The following CEP43 variants were observed in gnomAD, a reference collection of about 807,000 sequenced individuals.
CEP43 encodes the protein FGFR1 oncogene partner.
CEP43 carries 36 observed loss-of-function variants against 52.6 expected under a neutral mutation model. The ratio of observed to expected loss-of-function variants is 0.68; its 90% CI spans 0.52 to 0.90. The LOEUF (loss-of-function observed/expected upper bound fraction) is 0.90. Ranked by LOEUF, CEP43 falls within the 40% of genes least tolerant of loss-of-function variation. The pLI is 0.00. For missense variants in CEP43, 506 were observed against 472.8 expected (o/e 1.07, Z -0.65); for synonymous variants, 192 against 172.4 (o/e 1.11, Z -0.89).
At chr6:167,003,003 C>A (rs115609284) in intron 2 of CEP43, among the ~76,000 whole-genome samples, 190 bp from the exon 3 acceptor site, 1,826 of 152,258 alleles carry the variant, frequency 0.012, 41 homozygotes, top group African/African-American at 0.042. Flanking sequence ...AAATACAAAT[C>A]TTCATATATG....
chr6:167,042,243 A>T lies in CEP43; in HGVS notation c.*2265A>T. On this transcript the variant is annotated 3_prime_UTR_variant, in exon 13 of 13. Coordinates refer to ENST00000366847, the MANE Select transcript of CEP43 (RefSeq NM_007045.4). ...ATGAAACTTGAAGATGTGAAGTGAC[A>T]GGTTTTGCATGTGATGAGTGTTTTC... The T allele has an allele frequency of 2.0e-6, 2 of 1,006,548 alleles. No homozygotes were observed. The highest frequency in any genetic ancestry group is 2.4e-6 in the Non-Finnish European group (2 of 841,582). The allele number at this position is 1,006,548 out of a possible 1,614,324, so 62.4% of individuals were successfully genotyped here. A position where few individuals can be genotyped will look rare whatever the true frequency, so the allele number is the denominator to read the frequency against.
intron 10 of CEP43, among the ~76,000 whole-genome samples, chr6:167,031,679 C>T (rs1198903737): frequency 6.6e-6 from 1 of 152,184 alleles, no homozygotes; most frequent in Non-Finnish European, 1.5e-5. Context: ...TGATCTGCAT[C>T]TTCTGCATGT....
At chr6:167,013,699 C>T in intron 7 of CEP43, 132 bp downstream of exon 7, 1 of 699,286 alleles carries the variant, frequency 1.4e-6, no homozygotes, top group Non-Finnish European at 2.4e-6. Flanking sequence ...TGAGGCTGGG[C>T]TAGGTGGCTC....
chr6:167,027,518 G>T (rs1266003985), intron 10 of CEP43, among the ~76,000 whole-genome samples: 1 of 152,162 alleles, frequency 6.6e-6, no homozygotes, highest in Admixed American at 6.5e-5. Flanking sequence ...TAGGGAGAAA[G>T]AAAGGTGTGT....
In CEP43 at chr6:167,044,563, G is replaced by T. The variant is rs1357714866; in HGVS notation, c.*4585G>T. The T allele has an allele frequency of 1.1e-5, 11 of 984,830 alleles. No individual in the cohort carries two copies. In the African/African-American group the frequency reaches 1.9e-4, roughly 17 times the overall value. The allele number at this position is 984,830 out of a possible 1,614,324, so 61.0% of individuals were successfully genotyped here. ...TGAGAGTGGCAGACAGAAGGAAACA[G>T]CAAGGCCTCTGAGGTAGGAGGGACA... is the stretch of plus-strand genomic sequence containing the variant. On this transcript the variant is annotated 3_prime_UTR_variant, in exon 13 of 13. Coordinates refer to ENST00000366847, the MANE Select transcript of CEP43 (RefSeq NM_007045.4).
chr6:167,012,907 T>C (rs1213386929), intron 6 of CEP43, among the ~76,000 whole-genome samples: 1 of 152,208 alleles, frequency 6.6e-6, no homozygotes, highest in African/African-American at 2.4e-5. Flanking sequence ...ACTTCAGAAA[T>C]ACCCTAGATA....
At chr6:167,037,965 A>G (rs1350481598) in intron 12 of CEP43, among the ~76,000 whole-genome samples, 1 of 152,168 alleles carries the variant, frequency 6.6e-6, no homozygotes, top group East Asian at 1.9e-4. Flanking sequence ...CAATGAGTCT[A>G]GGTGGGACTG....
chr6:167,011,533 G>A (rs1195401770), intron 6 of CEP43: 3 of 152,246 alleles, frequency 2.0e-5, no homozygotes, highest in Non-Finnish European at 4.4e-5. Flanking sequence ...ATAGAAAGAT[G>A]ATTGTCAGGA....
rs1025914606 is a variant in CEP43, at chr6:167,050,459, C to T, written c.*10481C>T. 1 of 152,122 alleles carries T rather than the reference C, an allele frequency of 6.6e-6. No individual in the cohort carries two copies. Among genetic ancestry groups the T allele is most frequent in the African/African-American group, 2.4e-5 (1 of 41,414 alleles). The allele number at this position is 152,122 out of a possible 1,614,324, so 9.4% of individuals were successfully genotyped here. The stretch of plus-strand genomic sequence containing the variant: ...CTTTTATTTCCTTGTTGATCTTACT[C>T]TTAGTTGTTCTATCCATCATTGAAA... On this transcript the variant is annotated 3_prime_UTR_variant, in exon 13 of 13. Transcript: ENST00000366847.
Position 167,041,859 on chromosome 6 carries a change from T to A in CEP43, c.*1881T>A. 1 of 912,566 alleles carries A rather than the reference T, an allele frequency of 1.1e-6. No individual in the cohort carries two copies. Among genetic ancestry groups the A allele is most frequent in the Non-Finnish European group, 1.3e-6 (1 of 755,826 alleles). The allele number at this position is 912,566 out of a possible 1,614,324, so 56.5% of individuals were successfully genotyped here. On this transcript the variant is annotated 3_prime_UTR_variant, in exon 13 of 13. Coordinates refer to ENST00000366847, the MANE Select transcript of CEP43 (RefSeq NM_007045.4). ...GGGCGGGGGGGACAGAGTCTCACTG[T>A]GTCACTCAGACTGGAGTACAGTGAT...
At chr6:167,020,695 G>A (rs1442817740) in intron 7 of CEP43, among the ~76,000 whole-genome samples, 1 of 152,098 alleles carries the variant, frequency 6.6e-6, no homozygotes, top group Non-Finnish European at 1.5e-5. Context: ...GATCACTTGA[G>A]GTCAGAAGTT....
chr6:167,028,316 CAG>C (rs1562531332), intron 10 of CEP43: 1 of 985,254 alleles, frequency 1.0e-6, no homozygotes, highest in East Asian at 1.1e-4. Context: ...GCTGGGGCTG[CAG>C]AGTTGCTGGG....
intron 7 of CEP43, among the ~76,000 whole-genome samples, chr6:167,020,339 G>A (rs1760158922): frequency 6.6e-6 from 1 of 152,168 alleles, no homozygotes; most frequent in Non-Finnish European, 1.5e-5. Context: ...CTGTCAACTA[G>A]TCAAGACCTC....
intron 2 of CEP43, among the ~76,000 whole-genome samples, chr6:167,000,557 A>G (rs60442840): frequency 0.015 from 2,344 of 152,318 alleles, 48 homozygotes; most frequent in African/African-American, 0.053. Context: ...CCACTACTCT[A>G]TATTTAAGTG....
chr6:167,051,468 G>A lies in CEP43; in HGVS notation c.*11490G>A, dbSNP rs149596849. ...TGGAGATTAAAGTCAAGATGGAGTT[G>A]GTTAGATCAGATCTCTTTCACTGTT... is the stretch of plus-strand genomic sequence containing the variant. On this transcript the variant is annotated 3_prime_UTR_variant, in exon 13 of 13. Transcript: ENST00000366847. 246 of 152,284 alleles carry A rather than the reference G, an allele frequency of 1.6e-3. No individual in the cohort carries two copies. Among genetic ancestry groups the A allele is most frequent in the African/African-American group, 5.5e-3 (228 of 41,536 alleles). 9.4% of individuals were successfully genotyped at this position (152,284 alleles called of 1,614,324 possible). A position where few individuals can be genotyped will look rare whatever the true frequency, so the allele number is the denominator to read the frequency against.
In CEP43 at chr6:167,040,136, A is replaced by C; in HGVS notation, c.*158A>C. ...ATTTTTTAAAAGTAATTTTCATTTTACTAAACAAAATACTTCCTATTTGAG... is the reference window on the plus strand; with the variant it reads ...ATTTTTTAAAAGTAATTTTCATTTTCCTAAACAAAATACTTCCTATTTGAG... On this transcript the variant is annotated 3_prime_UTR_variant, in exon 13 of 13. Coordinates refer to ENST00000366847, the MANE Select transcript of CEP43 (RefSeq NM_007045.4). 6.5e-7 allele frequency: 1 copy of C among 1,549,148 alleles called. No homozygotes were observed. Among genetic ancestry groups the C allele is most frequent in the Non-Finnish European group, 8.7e-7 (1 of 1,148,484 alleles).
At chr6:167,013,303 T>A (rs1168798403) in intron 6 of CEP43, among the ~76,000 whole-genome samples, 1 of 152,162 alleles carries the variant, frequency 6.6e-6, no homozygotes, top group Non-Finnish European at 1.5e-5. Context: ...TTTGACCTAG[T>A]AACTATTGGA....
intron 12 of CEP43, among the ~76,000 whole-genome samples, chr6:167,037,775 G>A (rs375620770): frequency 9.2e-5 from 14 of 152,214 alleles, no homozygotes; most frequent in Non-Finnish European, 1.5e-4. Context: ...ATTCTTGTGC[G>A]TTATTACCTG....
intron 7 of CEP43, 40 bp from the exon 8 acceptor site, chr6:167,022,369 T>A: frequency 1.5e-5 from 21 of 1,392,892 alleles, no homozygotes; most frequent in Non-Finnish European, 2.1e-5. Context: ...TAAAGTTTTA[T>A]CTCACCAAGG....
Sources: gnomAD v4.1 joint callset for allele counts (sites outside exome capture counted in the v4.1 genomes callset) on GRCh38, gnomAD v4.1.1 for gene constraint, MANE v1.5 for transcripts, NCBI Gene and HGNC (gene_info 2026-07-23, HGNC 2026-07-21) for gene names.